PHACTR3: variants seen among roughly 807,000 people sequenced by gnomAD.
The protein encoded by PHACTR3 is protein phosphatase 1, regulatory subunit 123.
In PHACTR3, 16 loss-of-function variants were observed where a neutral mutation model predicts 66.8. The observed-to-expected ratio is 0.24, with a 90% CI of 0.16 to 0.36. The LOEUF (loss-of-function observed/expected upper bound fraction) is 0.36, where lower values mean the gene tolerates loss of function less well. PHACTR3 is among the 10% of genes least tolerant of loss of function. The pLI, the probability that PHACTR3 is intolerant of heterozygous loss-of-function variation, is 1.00. For missense variants in PHACTR3, 647 were observed against 719.9 expected (o/e 0.90, Z 1.16); for synonymous variants, 323 against 292.1 (o/e 1.11, Z -1.08).
intron 1 of PHACTR3, among the ~76,000 whole-genome samples, chr20:59,705,872 C>A (rs2037682550): frequency 6.6e-6 from 1 of 152,024 alleles, no homozygotes; most frequent in South Asian, 2.1e-4. Flanking sequence ...TCATGCTTGG[C>A]CTTTGAGCCT....
chr20:59,800,348 T>C (rs1397259636), intron 7 of PHACTR3, among the ~76,000 whole-genome samples: 1 of 152,216 alleles, frequency 6.6e-6, no homozygotes, highest in East Asian at 1.9e-4. Context: ...GGTCTGCTGG[T>C]GATGAAATCT....
intron 1 of PHACTR3, among the ~76,000 whole-genome samples, chr20:59,719,120 G>A (rs971423826): frequency 5.3e-5 from 8 of 152,162 alleles, no homozygotes; most frequent in African/African-American, 1.9e-4. Context: ...GGGCTGTCGG[G>A]CTGCTAAACT....
At chr20:59,806,661 C>A (rs374418507) in intron 8 of PHACTR3, among the ~76,000 whole-genome samples, 5 of 152,342 alleles carry the variant, frequency 3.3e-5, no homozygotes, top group South Asian at 2.1e-4. Flanking sequence ...GCTACCCCCC[C>A]ACCCACATAC....
chr20:59,821,810 C>T (rs1263396415), intron 8 of PHACTR3, among the ~76,000 whole-genome samples: 1 of 151,980 alleles, frequency 6.6e-6, no homozygotes, highest in Non-Finnish European at 1.5e-5. Context: ...GAGAGCACCG[C>T]CGGGGAATTT....
intron 9 of PHACTR3, among the ~76,000 whole-genome samples, 198 bp downstream of exon 9, chr20:59,836,758 A>G (rs987513764): frequency 6.6e-6 from 1 of 152,156 alleles, no homozygotes; most frequent in African/African-American, 2.4e-5. Flanking sequence ...TTTAATTTAA[A>G]AAAACTCCTT....
intron 1 of PHACTR3, among the ~76,000 whole-genome samples, chr20:59,580,998 A>G (rs1247228535): frequency 6.6e-6 from 1 of 152,104 alleles, no homozygotes; most frequent in Admixed American, 6.5e-5. Flanking sequence ...GGAGTGAGGG[A>G]GTGGGGAGGA....
chr20:59,775,858 AGC>A (rs1478073275), intron 7 of PHACTR3, among the ~76,000 whole-genome samples: 3 of 152,214 alleles, frequency 2.0e-5, no homozygotes, highest in Non-Finnish European at 4.4e-5. Flanking sequence ...CCTCAGCCTC[AGC>A]GCTGGTGGCA....
chr20:59,677,497 T>G (rs2036490221), intron 1 of PHACTR3, among the ~76,000 whole-genome samples: 1 of 152,136 alleles, frequency 6.6e-6, no homozygotes, highest in Admixed American at 6.5e-5. Flanking sequence ...GAGAAGTGAA[T>G]TCTAATTCAC....
At chr20:59,825,941 T>C (rs537705202) in intron 8 of PHACTR3, among the ~76,000 whole-genome samples, 3 of 152,136 alleles carry the variant, frequency 2.0e-5, no homozygotes, top group African/African-American at 7.2e-5. Flanking sequence ...GAGGGCTGCA[T>C]TGCTCCCTCC....
chr20:59,840,663 C>T (rs1164226879), intron 10 of PHACTR3, among the ~76,000 whole-genome samples: 1 of 152,202 alleles, frequency 6.6e-6, no homozygotes, highest in Non-Finnish European at 1.5e-5. Context: ...TGGAGAGGTG[C>T]ACAATGCACA....
At chr20:59,716,660 T>A (rs1277346228) in intron 1 of PHACTR3, among the ~76,000 whole-genome samples, 7 of 152,216 alleles carry the variant, frequency 4.6e-5, no homozygotes. Context: ...AGAGCCCCCA[T>A]GCTCTTCTCT....
intron 8 of PHACTR3, among the ~76,000 whole-genome samples, chr20:59,825,135 C>A (rs1910182609): frequency 6.6e-6 from 1 of 152,170 alleles, no homozygotes; most frequent in African/African-American, 2.4e-5. Context: ...AAAGTCTCTG[C>A]CCTTGGAGGG....
chr20:59,622,994 A>AAAAAAAAAAAAAAAAAAAAC (rs2034308839), intron 1 of PHACTR3, among the ~76,000 whole-genome samples: 1 of 146,760 alleles, frequency 6.8e-6, no homozygotes, highest in Non-Finnish European at 1.5e-5. Context: ...AAAAAAAAAA[A>AAAAAAAAAAAAAAAAAAAAC]AAAAAAACCC....
chr20:59,713,818 A>C (rs563257188), intron 1 of PHACTR3, among the ~76,000 whole-genome samples: 249 of 151,698 alleles, frequency 1.6e-3, no homozygotes, highest in African/African-American at 5.8e-3. Flanking sequence ...ATTAGTAGAT[A>C]CTGTGAAACA....
intron 1 of PHACTR3, among the ~76,000 whole-genome samples, chr20:59,700,562 G>A (rs2037464409): frequency 6.6e-6 from 1 of 152,148 alleles, no homozygotes; most frequent in Non-Finnish European, 1.5e-5. Context: ...TAAAAGATGG[G>A]TCTACAAGGG....
intron 1 of PHACTR3, among the ~76,000 whole-genome samples, chr20:59,598,975 T>A (rs1371454563): frequency 6.6e-6 from 1 of 152,220 alleles, no homozygotes; most frequent in Non-Finnish European, 1.5e-5. Flanking sequence ...TAGCCTGAGA[T>A]CGTGGCTTGA....
chr20:59,694,768 A>G (rs1601123326), intron 1 of PHACTR3, among the ~76,000 whole-genome samples: 1 of 152,246 alleles, frequency 6.6e-6, no homozygotes, highest in South Asian at 2.1e-4. Context: ...TTCTAGTTTC[A>G]GCTGATGAAG....
At chr20:59,814,279 G>A (rs554624186) in intron 8 of PHACTR3, among the ~76,000 whole-genome samples, 18 of 152,342 alleles carry the variant, frequency 1.2e-4, no homozygotes, top group African/African-American at 3.8e-4. Flanking sequence ...CTGGGGACGC[G>A]GGGCTGCAGA....
chr20:59,767,114 T>C (rs2040204551), intron 4 of PHACTR3, 72 bp from the exon 5 acceptor site: 3 of 1,507,984 alleles, frequency 2.0e-6, no homozygotes, highest in Non-Finnish European at 2.7e-6. Flanking sequence ...CAAACCCTCT[T>C]GCTTTGCTCT....
Sources: allele counts gnomAD v4.1 joint callset (sites outside exome capture counted in the v4.1 genomes callset), GRCh38; gene constraint gnomAD v4.1.1; transcripts MANE v1.5; gene names NCBI Gene and HGNC (gene_info 2026-07-23, HGNC 2026-07-21).